Variants in ADAMTS2 observed in about 807,000 individuals in gnomAD.
ADAMTS2 encodes ADAM metallopeptidase with thrombospondin type 1 motif 2.
Under a neutral mutation model 123.0 loss-of-function variants are expected in ADAMTS2, and 50 were observed. That is an observed-to-expected ratio of 0.41 (90% CI 0.32 to 0.51). ADAMTS2 has a LOEUF of 0.51. Among genes scored for constraint, ADAMTS2 ranks in the 20% least tolerant of loss-of-function variants. ADAMTS2 has a pLI of 0.35. For synonymous variants in ADAMTS2, 678 were observed against 695.4 expected (o/e 0.98, Z 0.39); for missense variants, 1,494 against 1,705.2 (o/e 0.88, Z 2.18).
intron 3 of ADAMTS2, among the ~76,000 whole-genome samples, chr5:179,258,730 G>A (rs900843703): frequency 6.6e-6 from 1 of 152,160 alleles, no homozygotes; most frequent in Non-Finnish European, 1.5e-5. Context: ...TGATTCTAGC[G>A]AGCGCCACCT....
intron 3 of ADAMTS2, among the ~76,000 whole-genome samples, chr5:179,210,027 T>C (rs750150780): frequency 1.3e-5 from 2 of 152,226 alleles, no homozygotes; most frequent in Non-Finnish European, 2.9e-5. Context: ...ATCTGGTTGA[T>C]AGTATTTGAA....
At chr5:179,154,255 C>A (rs1763424161) in intron 7 of ADAMTS2, 63 bp from the exon 8 acceptor site, 1 of 1,533,772 alleles carries the variant, frequency 6.5e-7, no homozygotes, top group East Asian at 2.4e-5. Context: ...TCCCACCCCA[C>A]CCCGATGATA....
chr5:179,311,448 A>C (rs1306391966), intron 2 of ADAMTS2, among the ~76,000 whole-genome samples: 1 of 152,182 alleles, frequency 6.6e-6, no homozygotes, highest in Non-Finnish European at 1.5e-5. Flanking sequence ...CCTCAATGAC[A>C]ACAAAGGACC....
intron 3 of ADAMTS2, among the ~76,000 whole-genome samples, chr5:179,216,142 A>G (rs891617960): frequency 6.6e-6 from 1 of 152,220 alleles, no homozygotes; most frequent in African/African-American, 2.4e-5. Flanking sequence ...CACAGAAGAC[A>G]TGGCCTGGGA....
At position 179,158,668 on chromosome 5, in the gene ADAMTS2, C is replaced by T. The variant is rs1182415458; in HGVS notation, c.1132+55G>A. 1 of 1,612,780 alleles carries T rather than the reference C, an allele frequency of 6.2e-7. No individual in the cohort carries two copies. Among genetic ancestry groups the T allele is most frequent in the African/African-American group, 1.3e-5 (1 of 74,928 alleles). On this transcript the variant is annotated intron_variant, in intron 6 of 21. Transcript: ENST00000251582. The surrounding 1 kb of genome is among the most constrained non-coding windows in gnomAD (Gnocchi z 5.0). ...AAGGCTCCCGGGGCCCCTTGCATGGCCAGGGGCTCATTTCCAGCTTCACGC... is the reference window on the plus strand; with the variant it reads ...AAGGCTCCCGGGGCCCCTTGCATGGTCAGGGGCTCATTTCCAGCTTCACGC...
chr5:179,249,807 T>G (rs1765878348), intron 3 of ADAMTS2, among the ~76,000 whole-genome samples: 1 of 152,140 alleles, frequency 6.6e-6, no homozygotes, highest in South Asian at 2.1e-4. Context: ...TACTGGGAAT[T>G]CTACCTATCA....
chr5:179,164,289 C>T (rs892387479), intron 5 of ADAMTS2, among the ~76,000 whole-genome samples: 3 of 152,230 alleles, frequency 2.0e-5, no homozygotes, highest in East Asian at 3.8e-4. Flanking sequence ...GAGGCCCAGA[C>T]ATTGACCTTG....
intron 2 of ADAMTS2, among the ~76,000 whole-genome samples, chr5:179,330,258 T>G (rs1429284869): frequency 2.6e-5 from 4 of 151,932 alleles, no homozygotes; most frequent in Admixed American, 6.5e-5. Flanking sequence ...GGTGGGCACC[T>G]GCAGGCAGGT....
intron 5 of ADAMTS2, among the ~76,000 whole-genome samples, chr5:179,168,761 T>G (rs1763760784): frequency 6.6e-6 from 1 of 152,142 alleles, no homozygotes; most frequent in Non-Finnish European, 1.5e-5. Context: ...TGTGAGCACA[T>G]GTTCTACCGT....
chr5:179,172,862 T>A (rs928836485), intron 5 of ADAMTS2, among the ~76,000 whole-genome samples: 63 of 152,164 alleles, frequency 4.1e-4, no homozygotes, highest in African/African-American at 2.6e-4. Flanking sequence ...AAAAATCATT[T>A]AAAAAATTTA....
intron 5 of ADAMTS2, among the ~76,000 whole-genome samples, chr5:179,159,372 C>T (rs960726903): frequency 4.6e-5 from 7 of 152,168 alleles, no homozygotes; most frequent in South Asian, 4.1e-4. Context: ...ACGTTCCCCC[C>T]GTGTGAAGGT....
chr5:179,126,291 G>A (rs1762857711), intron 17 of ADAMTS2, among the ~76,000 whole-genome samples, 161 bp from the exon 18 acceptor site: 2 of 152,216 alleles, frequency 1.3e-5, no homozygotes, highest in African/African-American at 4.8e-5. Context: ...TGGCTGGGGG[G>A]AGGCCTTGGT....
rs569290125 is a variant in ADAMTS2 at position 179,114,952 on chromosome 5, G to C, written c.3179-628C>G. Among the ~76,000 whole-genome samples the C allele has an allele frequency of 2.0e-5, 3 of 152,292 alleles. No homozygotes were observed. The South Asian group carries it at 6.2e-4, about 32-fold the overall frequency. On this transcript the variant is annotated intron_variant, in intron 21 of 21. Transcript: ENST00000251582. ...TTAAACATCACCCAAACCTGCATGG[G>C]CTTTCTTATACTTGCCTCAACTTAC...
intron 3 of ADAMTS2, among the ~76,000 whole-genome samples, chr5:179,226,076 C>T (rs1004265756): frequency 2.6e-5 from 4 of 152,136 alleles, no homozygotes; most frequent in Admixed American, 6.5e-5. Flanking sequence ...CAGAGGGACA[C>T]TGAAGAAGGA....
intron 18 of ADAMTS2, 138 bp from the exon 19 acceptor site, chr5:179,125,318 T>A: frequency 1.4e-6 from 1 of 721,746 alleles, no homozygotes. Flanking sequence ...CGGTGCACCT[T>A]CTCTTATTCT....
Position 179,314,144 on chromosome 5 carries a change from A to G in ADAMTS2, c.534+29623T>C, listed in dbSNP as rs1273244064. 6.6e-6 allele frequency among the ~76,000 whole-genome samples: 1 copy of G among 152,226 alleles called. No individual in the cohort carries two copies. Among genetic ancestry groups the G allele is most frequent in the Non-Finnish European group, 1.5e-5 (1 of 68,024 alleles). ...CTCTGCATCCACACGGAGGCTTCGGATTGGGCGCAGCCTGGGAGCACACAG... is the reference window on the plus strand; with the variant it reads ...CTCTGCATCCACACGGAGGCTTCGGGTTGGGCGCAGCCTGGGAGCACACAG... On this transcript the variant is annotated intron_variant, in intron 2 of 21. Coordinates refer to ENST00000251582, the MANE Select transcript of ADAMTS2 (RefSeq NM_014244.5). The surrounding 1 kb of genome is among the most constrained non-coding windows in gnomAD (Gnocchi z 4.5).
At chr5:179,232,530 G>A (rs1044554303) in intron 3 of ADAMTS2, among the ~76,000 whole-genome samples, 9 of 152,210 alleles carry the variant, frequency 5.9e-5, no homozygotes, top group Non-Finnish European at 1.2e-4. Flanking sequence ...GCTCTTGAAC[G>A]CTGTGCTAGG....
At chr5:179,230,916 CAGG>C (rs1296250751) in intron 3 of ADAMTS2, among the ~76,000 whole-genome samples, 1 of 151,840 alleles carries the variant, frequency 6.6e-6, no homozygotes, top group Non-Finnish European at 1.5e-5. Context: ...GAGGCTGAGG[CAGG>C]AGAATGGCTT....
intron 2 of ADAMTS2, among the ~76,000 whole-genome samples, chr5:179,331,303 A>C (rs1351248914): frequency 7.4e-6 from 1 of 134,796 alleles, no homozygotes; most frequent in African/African-American, 2.8e-5. Context: ...AAAGGGAAAA[A>C]GGGGAGATGA....
Sources: gnomAD v4.1 joint callset for allele counts (sites outside exome capture counted in the v4.1 genomes callset) on GRCh38, gnomAD v4.1.1 for gene constraint, Gnocchi (gnomAD v3.1) non-coding constraint, MANE v1.5 for transcripts, NCBI Gene and HGNC (gene_info 2026-07-23, HGNC 2026-07-21) for gene names.